The following CDKL1 variants were observed in gnomAD, a reference collection of about 807,000 sequenced individuals.
CDKL1 encodes the protein cyclin dependent kinase like 1, also known as cyclin-dependent kinase-like 1.
Under a neutral mutation model 42.0 loss-of-function variants are expected in CDKL1, and 41 were observed. The ratio of observed to expected loss-of-function variants is 0.98; its 90% confidence interval spans 0.76 to 1.27. The LOEUF is 1.27. Among genes scored for constraint, CDKL1 ranks in the 50% most tolerant of loss-of-function variants. CDKL1 has a pLI of 0.00. For missense variants in CDKL1, 394 were observed against 428.4 expected (o/e 0.92, Z 0.71); for synonymous variants, 153 against 158.6 (o/e 0.96, Z 0.26).
intron 6 of CDKL1, 134 bp from the exon 7 acceptor site, chr14:50,339,163 A>G: frequency 4.6e-6 from 3 of 658,046 alleles, no homozygotes; most frequent in Admixed American, 2.0e-5. Context: ...TCAGAAGGAG[A>G]GGCATTCAGG....
chr14:50,335,613 A>T, intron 7 of CDKL1: 1 of 1,533,570 alleles, frequency 6.5e-7, no homozygotes, highest in Non-Finnish European at 8.7e-7. Flanking sequence ...CCAGTTAAAG[A>T]GACATACCAC....
intron 2 of CDKL1, among the ~76,000 whole-genome samples, chr14:50,381,945 A>C (rs1054398919): frequency 1.3e-5 from 2 of 152,150 alleles, no homozygotes; most frequent in Non-Finnish European, 1.5e-5. Flanking sequence ...GCCAGTTTAG[A>C]AATTCTTAAC....
intron 2 of CDKL1, among the ~76,000 whole-genome samples, chr14:50,376,688 A>G (rs1382343848): frequency 6.6e-6 from 1 of 152,202 alleles, no homozygotes; most frequent in Non-Finnish European, 1.5e-5. Flanking sequence ...AAATATTTTA[A>G]AATCCTTCCA....
intron 4 of CDKL1, chr14:50,343,120 G>T: frequency 2.0e-6 from 2 of 997,652 alleles, no homozygotes; most frequent in Non-Finnish European, 2.6e-6. Flanking sequence ...CAATTTCTTT[G>T]GCAAAGAACA....
intron 2 of CDKL1, among the ~76,000 whole-genome samples, chr14:50,393,766 T>C (rs2035324649): frequency 6.6e-6 from 1 of 152,252 alleles, no homozygotes; most frequent in Non-Finnish European, 1.5e-5. Flanking sequence ...TCTACATCTG[T>C]GCACTTAATT....
At chr14:50,360,783 T>C (rs911356195) in intron 2 of CDKL1, among the ~76,000 whole-genome samples, 19 of 122,944 alleles carry the variant, frequency 1.5e-4, no homozygotes, top group African/African-American at 5.6e-4. Context: ...GACGTGTGTG[T>C]GTTTGTGTGT....
chr14:50,331,425 TG>T (rs1316797453), intron 9 of CDKL1: 3 of 152,630 alleles, frequency 2.0e-5, no homozygotes, highest in African/African-American at 7.2e-5. Flanking sequence ...ACATTAATTT[TG>T]TAACTGTGAT....
At chr14:50,345,138 G>T in intron 3 of CDKL1, 80 bp from the exon 4 acceptor site, 2 of 1,319,688 alleles carry the variant, frequency 1.5e-6, no homozygotes, top group Non-Finnish European at 2.1e-6. Context: ...AATAAACGAA[G>T]ATAGGCTTTA....
At chr14:50,351,373 A>C (rs1374630933) in intron 3 of CDKL1, among the ~76,000 whole-genome samples, 5 of 152,176 alleles carry the variant, frequency 3.3e-5, no homozygotes, top group Non-Finnish European at 7.4e-5. Context: ...CCAAGAAAAA[A>C]AAATGGAACT....
chr14:50,334,464 A>C, intron 8 of CDKL1, 101 bp downstream of exon 8: 1 of 783,778 alleles, frequency 1.3e-6, no homozygotes, highest in Non-Finnish European at 2.2e-6. Context: ...GAATTCTAAA[A>C]GGAACACTTT....
intron 2 of CDKL1, among the ~76,000 whole-genome samples, chr14:50,394,982 A>T (rs192157734): frequency 4.7e-4 from 72 of 151,744 alleles, no homozygotes; most frequent in African/African-American, 1.7e-3. Flanking sequence ...AAAAAATGTT[A>T]AAAAAAATTA....
rs896705537 is a variant in CDKL1 at position 50,339,553 on chromosome 14, G to A, written c.656-524C>T. 2.1e-5 allele frequency among the ~76,000 whole-genome samples: 3 copies of A among 143,308 alleles called. No homozygotes were observed. In the East Asian group the frequency reaches 6.9e-4, roughly 33 times the overall value. 94.0% of individuals were successfully genotyped at this position (143,308 alleles called of 152,430 possible). A position where few individuals can be genotyped will look rare whatever the true frequency, so the allele number is the denominator to read the frequency against. ...GGGAGGGAGGGAGGGGAGGGGAGGGGAAGGGAAGGAAGGAAGAAATCACGG... is the reference window on the plus strand; with the variant it reads ...GGGAGGGAGGGAGGGGAGGGGAGGGAAAGGGAAGGAAGGAAGAAATCACGG... On this transcript the variant is annotated intron_variant, in intron 6 of 9. Transcript: ENST00000395834.
chr14:50,332,467 T>G, intron 8 of CDKL1, 35 bp from the exon 9 acceptor site: 1 of 1,569,006 alleles, frequency 6.4e-7, no homozygotes, highest in Non-Finnish European at 8.6e-7. Flanking sequence ...TCTTACTTCT[T>G]CAAAATTGTA....
At chr14:50,357,744 T>C (rs10136616) in intron 3 of CDKL1, among the ~76,000 whole-genome samples, 1 of 152,224 alleles carries the variant, frequency 6.6e-6, no homozygotes, top group Non-Finnish European at 1.5e-5. Context: ...AATGTGCAGA[T>C]GCTACCTTCT....
chr14:50,397,114 A>T (rs757756283), upstream of CDKL1: 26 of 1,363,406 alleles, frequency 1.9e-5, no homozygotes, highest in Non-Finnish European at 2.4e-5. Flanking sequence ...AAACTTCCGC[A>T]GGCCGTGCAA....
intron 3 of CDKL1, among the ~76,000 whole-genome samples, chr14:50,353,770 C>T (rs923758489): frequency 8.6e-5 from 13 of 152,030 alleles, no homozygotes; most frequent in African/African-American, 2.9e-4. Context: ...GTTGGGCACA[C>T]CTGTAGTCCC....
At chr14:50,372,648 A>G (rs891873176) in intron 2 of CDKL1, among the ~76,000 whole-genome samples, 3 of 151,998 alleles carry the variant, frequency 2.0e-5, no homozygotes, top group Non-Finnish European at 4.4e-5. Context: ...TTTTCCCCCT[A>G]TGTTTTCTTC....
chr14:50,342,855 G>C, intron 4 of CDKL1: 1 of 1,233,008 alleles, frequency 8.1e-7, no homozygotes, highest in Non-Finnish European at 1.0e-6. Flanking sequence ...TTCCCTTCCA[G>C]CTCTGACATT....
intron 3 of CDKL1, among the ~76,000 whole-genome samples, chr14:50,350,357 A>T (rs2033865031): frequency 6.6e-6 from 1 of 152,218 alleles, no homozygotes; most frequent in African/African-American, 2.4e-5. Context: ...ACAGGTATGA[A>T]GAAAAGGGGC....
Sources: gnomAD v4.1 joint callset for allele counts (sites outside exome capture counted in the v4.1 genomes callset) on GRCh38, gnomAD v4.1.1 for gene constraint, MANE v1.5 for transcripts, NCBI Gene and HGNC (gene_info 2026-07-23, HGNC 2026-07-21) for gene names.